The following IFT56 variants were observed in gnomAD, a reference collection of about 807,000 sequenced individuals.
IFT56 encodes intraflagellar transport protein 56.
chr7:139,147,180 A>G, the IFT56 span: 2 of 1,613,410 alleles, frequency 1.2e-6, no homozygotes, highest in South Asian at 1.1e-5. Context: ...GCTTTCATCA[A>G]AATCTTCAGG....
At chr7:139,184,646 T>C in the IFT56 span, among the ~76,000 whole-genome samples, 2 of 152,208 alleles carry the variant, frequency 1.3e-5, no homozygotes, top group Non-Finnish European at 2.9e-5. Flanking sequence ...CGGTGGCTTA[T>C]GCCTGTAATC....
the IFT56 span, among the ~76,000 whole-genome samples, chr7:139,158,990 A>G: frequency 3.9e-5 from 6 of 152,226 alleles, no homozygotes; most frequent in African/African-American, 1.4e-4. Flanking sequence ...TTCTCTTTAC[A>G]TATCACATAT....
the IFT56 span, among the ~76,000 whole-genome samples, chr7:139,177,101 G>A: frequency 6.6e-6 from 1 of 150,840 alleles, no homozygotes; most frequent in Non-Finnish European, 1.5e-5. Context: ...GAACCCGGGA[G>A]ACGAAGGTTG....
At chr7:139,161,186 T>A in the IFT56 span, 8,368 of 536,750 alleles carry the variant, frequency 0.016, 270 homozygotes, top group East Asian at 0.096. Context: ...TACTAATCTG[T>A]TTCCTTAAGG....
the IFT56 span, chr7:139,173,790 C>T: frequency 1.3e-6 from 1 of 747,858 alleles, no homozygotes; most frequent in African/African-American, 1.7e-5. Flanking sequence ...TTTCACTAAC[C>T]ATTTCCTCCT....
the IFT56 span, chr7:139,134,828 A>G: frequency 6.2e-6 from 10 of 1,602,070 alleles, no homozygotes; most frequent in Non-Finnish European, 8.5e-6. Context: ...TAGTGTATGA[A>G]TACCAGACTG....
the IFT56 span, among the ~76,000 whole-genome samples, chr7:139,156,154 C>T: frequency 6.6e-6 from 1 of 152,030 alleles, no homozygotes; most frequent in Non-Finnish European, 1.5e-5. Flanking sequence ...CACAGTATTC[C>T]TCTGTAATCC....
chr7:139,169,972 C>T, the IFT56 span, among the ~76,000 whole-genome samples: 1 of 152,172 alleles, frequency 6.6e-6, no homozygotes, highest in Admixed American at 6.5e-5. Flanking sequence ...CATGATTACA[C>T]CACTGCATTC....
At chr7:139,173,222 C>A in the IFT56 span, 6 of 462,252 alleles carry the variant, frequency 1.3e-5, no homozygotes, top group South Asian at 3.3e-5. Context: ...TGTACAAAGT[C>A]ACCTTTTTTT....
At chr7:139,152,219 T>C in the IFT56 span, among the ~76,000 whole-genome samples, 1 of 152,246 alleles carries the variant, frequency 6.6e-6, no homozygotes, top group Non-Finnish European at 1.5e-5. Flanking sequence ...CTCAAACTCC[T>C]GGGCTCAAGT....
At chr7:139,151,830 G>A in the IFT56 span, among the ~76,000 whole-genome samples, 1 of 152,192 alleles carries the variant, frequency 6.6e-6, no homozygotes, top group Non-Finnish European at 1.5e-5. Context: ...GGGAGGCCAA[G>A]GTGGGTGGAT....
the IFT56 span, among the ~76,000 whole-genome samples, chr7:139,170,142 C>T: frequency 6.6e-6 from 1 of 152,170 alleles, no homozygotes; most frequent in African/African-American, 2.4e-5. Flanking sequence ...ACACATACAA[C>T]CAACCAAGAT....
the IFT56 span, among the ~76,000 whole-genome samples, chr7:139,144,838 AAT>A: frequency 6.6e-6 from 1 of 152,086 alleles, no homozygotes; most frequent in East Asian, 1.9e-4. Flanking sequence ...TTTTTAATTT[AAT>A]TTCTTAAATA....
the IFT56 span, among the ~76,000 whole-genome samples, chr7:139,139,101 T>G: frequency 6.6e-6 from 1 of 152,172 alleles, no homozygotes; most frequent in Non-Finnish European, 1.5e-5. Context: ...CGTGAGCCAC[T>G]GCGCCCAGCC....
At chr7:139,170,864 A>G in the IFT56 span, among the ~76,000 whole-genome samples, 1 of 152,230 alleles carries the variant, frequency 6.6e-6, no homozygotes, top group Non-Finnish European at 1.5e-5. Context: ...ATCAGACAAG[A>G]GAAAGAAATA....
chr7:139,168,589 A>G, the IFT56 span: 6 of 585,096 alleles, frequency 1.0e-5, no homozygotes, highest in Non-Finnish European at 1.9e-5. Flanking sequence ...AAACAAAAAA[A>G]AAACTTGTAA....
the IFT56 span, among the ~76,000 whole-genome samples, chr7:139,155,213 T>C: frequency 6.6e-6 from 1 of 152,118 alleles, no homozygotes; most frequent in African/African-American, 2.4e-5. Context: ...TTCTTGCAGA[T>C]TTTGGGGAGG....
the IFT56 span, chr7:139,137,804 A>C: frequency 6.5e-7 from 1 of 1,530,274 alleles, no homozygotes. Context: ...AGAGTTTACT[A>C]TTCAAAATTT....
chr7:139,188,206 TTCTCCTGCCTCAC>T, the IFT56 span, among the ~76,000 whole-genome samples: 1 of 151,942 alleles, frequency 6.6e-6, no homozygotes, highest in Non-Finnish European at 1.5e-5. Flanking sequence ...GTTCAAGTGA[TTCTCCTGCCTCAC>T]TCTCCTGAGT....
Sources: gnomAD v4.1 joint callset for allele counts (sites outside exome capture counted in the v4.1 genomes callset) on GRCh38, gnomAD v4.1.1 for gene constraint, MANE v1.5 for transcripts, NCBI Gene and HGNC (gene_info 2026-07-23, HGNC 2026-07-21) for gene names.